AKAP12: variants seen among roughly 807,000 people sequenced by gnomAD.
The protein encoded by AKAP12 is A-kinase anchoring protein 12.
A neutral mutation model predicts 79.9 loss-of-function variants in AKAP12; 32 were observed. The observed-to-expected ratio is 0.40, with a 90% CI of 0.30 to 0.54. The LOEUF is 0.54. AKAP12 is among the 20% of genes least tolerant of loss of function. The pLI, the probability that AKAP12 is intolerant of heterozygous loss-of-function variation, is 0.48. For missense variants in AKAP12, 2,074 were observed against 2,177.0 expected (o/e 0.95, Z 0.94); for synonymous variants, 808 against 857.0 (o/e 0.94, Z 1.00).
intron 2 of AKAP12, among the ~76,000 whole-genome samples, chr6:151,267,636 G>C (rs971985587): frequency 1.3e-5 from 2 of 152,176 alleles, no homozygotes; most frequent in Non-Finnish European, 2.9e-5. Flanking sequence ...GACAGTCATA[G>C]ATATGTAGAA....
At chr6:151,283,062 G>C (rs1194133762) in intron 2 of AKAP12, among the ~76,000 whole-genome samples, 2 of 152,122 alleles carry the variant, frequency 1.3e-5, no homozygotes, top group Admixed American at 6.5e-5. Context: ...TGGGTAGCAG[G>C]AGATTTTAGA....
At chr6:151,293,502 A>C (rs575847416) in intron 2 of AKAP12, among the ~76,000 whole-genome samples, 1 of 152,326 alleles carries the variant, frequency 6.6e-6, no homozygotes, top group East Asian at 1.9e-4. Context: ...TTTGCCCAGG[A>C]CAGCTGGTAG....
Position 151,353,202 on chromosome 6 carries a change from CT to C in AKAP12, c.4812del (p.Ala1605HisfsTer30). 6.2e-7 allele frequency: 1 copy of C among 1,614,164 alleles called. No individual in the cohort carries two copies. The highest frequency in any genetic ancestry group is 8.5e-7 in the Non-Finnish European group (1 of 1,180,036). On this transcript the variant is annotated frameshift_variant, in exon 4 of 5. Coordinates refer to ENST00000402676, the MANE Select transcript of AKAP12 (RefSeq NM_005100.4). LOFTEE classifies it low-confidence loss of function (END_TRUNC). ...TEKEGEEPQASAQDETPITSA... is the reference protein window; with the variant it reads ...TEKEGEEPQAXAQDETPITSA... Reference sequence around the variant, plus strand: ...AAAGAAGGAGAGGAACCTCAGGCCTCTGCACAGGATGAAACACCAATTACTT... The same window carrying C: ...AAAGAAGGAGAGGAACCTCAGGCCTCGCACAGGATGAAACACCAATTACTT...
intron 2 of AKAP12, among the ~76,000 whole-genome samples, chr6:151,277,079 C>T (rs1055586731): frequency 1.4e-4 from 22 of 152,030 alleles, no homozygotes; most frequent in African/African-American, 4.6e-4. Flanking sequence ...TTGAAGATAC[C>T]GAAGAAAATG....
At chr6:151,274,417 T>C (rs1334388484) in intron 2 of AKAP12, among the ~76,000 whole-genome samples, 1 of 151,456 alleles carries the variant, frequency 6.6e-6, no homozygotes, top group Non-Finnish European at 1.5e-5. Flanking sequence ...GGTGTGGTGA[T>C]GGTGGAGGAG....
intron 2 of AKAP12, among the ~76,000 whole-genome samples, chr6:151,244,417 G>A (rs952656997): frequency 1.3e-5 from 2 of 152,112 alleles, no homozygotes; most frequent in African/African-American, 2.4e-5. Context: ...CCAGCCACTC[G>A]GGAGGCTGGG....
chr6:151,286,164 G>A (rs1776501213), intron 2 of AKAP12, among the ~76,000 whole-genome samples: 1 of 152,136 alleles, frequency 6.6e-6, no homozygotes, highest in African/African-American at 2.4e-5. Context: ...AGCCATGGAG[G>A]TGATAATTTT....
At chr6:151,244,893 C>T (rs1472825865) in intron 2 of AKAP12, among the ~76,000 whole-genome samples, 1 of 152,168 alleles carries the variant, frequency 6.6e-6, no homozygotes. Context: ...CCTTTAAATC[C>T]ATTACAGCTT....
At chr6:151,308,170 CA>C (rs1479934047) in intron 3 of AKAP12, among the ~76,000 whole-genome samples, 1 of 152,044 alleles carries the variant, frequency 6.6e-6, no homozygotes, top group Non-Finnish European at 1.5e-5. Context: ...CCGCCACGCC[CA>C]GCTGTGGAAG....
At chr6:151,264,153 G>T (rs938556958) in intron 2 of AKAP12, among the ~76,000 whole-genome samples, 3 of 152,112 alleles carry the variant, frequency 2.0e-5, no homozygotes, top group African/African-American at 7.2e-5. Flanking sequence ...ACATCCGCTT[G>T]GCTGGGGCTC....
intron 2 of AKAP12, among the ~76,000 whole-genome samples, chr6:151,279,578 AG>A (rs1337919567): frequency 1.3e-5 from 2 of 152,136 alleles, no homozygotes; most frequent in African/African-American, 4.8e-5. Flanking sequence ...ACCATGGAGA[AG>A]GCATTCTATA....
At position 151,352,307 on chromosome 6, in the gene AKAP12, G is replaced by A; in HGVS notation, c.3916G>A (p.Gly1306Ser). Residue 1306 changes from glycine to serine, a missense_variant, in exon 4 of 5, where the codon GGT (glycine) becomes AGT (serine). Physicochemically the swap from Gly to Ser is moderately conservative, Grantham distance 56. This residue lies in a region of AKAP12 where 614 missense variants were observed against 665.6 expected (regional missense o/e 0.92). Transcript: ENST00000402676. ...AAAGGTCACTGAAGTTGCCCTTAAAGGTGAAGGGACAGAAGAAGCTGAATG... is the reference window on the plus strand; with the variant it reads ...AAAGGTCACTGAAGTTGCCCTTAAAAGTGAAGGGACAGAAGAAGCTGAATG... ...REKVTEVALK[G>S]EGTEEAECKK... 2 of 1,614,182 alleles carry A rather than the reference G, an allele frequency of 1.2e-6. No individual in the cohort carries two copies. Among genetic ancestry groups the A allele is most frequent in the Non-Finnish European group, 1.7e-6 (2 of 1,180,036 alleles).
chr6:151,316,074 A>ATGATGCTTT (rs200954192), intron 3 of AKAP12, among the ~76,000 whole-genome samples: 4,742 of 152,342 alleles, frequency 0.031, 91 homozygotes, highest in Non-Finnish European at 0.047. Flanking sequence ...CATATCATAT[A>ATGATGCTTT]GAAAAGGATG....
chr6:151,246,261 AC>A (rs1797073638), intron 2 of AKAP12, among the ~76,000 whole-genome samples: 1 of 152,184 alleles, frequency 6.6e-6, no homozygotes, highest in Non-Finnish European at 1.5e-5. Context: ...TACTAAAAAC[AC>A]AAAAAATTAG....
intron 2 of AKAP12, among the ~76,000 whole-genome samples, chr6:151,254,271 T>G (rs1797246651): frequency 6.6e-6 from 1 of 152,168 alleles, no homozygotes; most frequent in Non-Finnish European, 1.5e-5. Context: ...CCCAGTTGAT[T>G]GGTTTTATAG....
At chr6:151,242,753 C>T (rs1193643971) in intron 2 of AKAP12, among the ~76,000 whole-genome samples, 3 of 152,202 alleles carry the variant, frequency 2.0e-5, no homozygotes, top group Non-Finnish European at 2.9e-5. Context: ...GTTTAGTGTT[C>T]TTGCTGTTGT....
At position 151,305,909 on chromosome 6, in the gene AKAP12, C is replaced by T. The variant is rs768007316; in HGVS notation, c.319+6C>T. 3.7e-6 allele frequency: 6 copies of T among 1,600,020 alleles called. No homozygotes were observed. The highest frequency in any genetic ancestry group is 5.1e-6 in the Non-Finnish European group (6 of 1,173,076). ...AGAAGTCATTGTCACAGAGGGTAAGCCGCCCCTCCAGGAACTGGAAGGCAC... is the reference window on the plus strand; with the variant it reads ...AGAAGTCATTGTCACAGAGGGTAAGTCGCCCCTCCAGGAACTGGAAGGCAC... On this transcript the variant is annotated splice_donor_region_variant and intron_variant, in intron 3 of 4. Transcript: ENST00000402676.
chr6:151,329,624 GA>G (rs974709578), intron 3 of AKAP12, among the ~76,000 whole-genome samples: 32 of 152,048 alleles, frequency 2.1e-4, no homozygotes, highest in Non-Finnish European at 3.7e-4. Context: ...TTTTACAAGA[GA>G]AAAAAATACC....
chr6:151,309,195 G>A (rs1470227419), intron 3 of AKAP12, among the ~76,000 whole-genome samples: 1 of 152,090 alleles, frequency 6.6e-6, no homozygotes, highest in Non-Finnish European at 1.5e-5. Context: ...TAGGCTTTAT[G>A]GTTGCTTCCA....
Sources: allele counts gnomAD v4.1 joint callset (sites outside exome capture counted in the v4.1 genomes callset), GRCh38; gene constraint gnomAD v4.1.1; regional missense constraint gnomAD v4.1.1; transcripts MANE v1.5; gene names NCBI Gene and HGNC (gene_info 2026-07-23, HGNC 2026-07-21).